The following GSR variants were observed in gnomAD, a reference collection of about 807,000 sequenced individuals.
The protein encoded by GSR is glutathione reductase, mitochondrial.
In GSR, 48 loss-of-function variants were observed where a neutral mutation model predicts 56.5. The observed-to-expected ratio is 0.85, with a 90% CI of 0.67 to 1.08. The LOEUF (loss-of-function observed/expected upper bound fraction) is 1.08. GSR is among the 50% of genes least tolerant of loss of function. The pLI, the probability that GSR is intolerant of heterozygous loss-of-function variation, is 0.00. For missense variants in GSR, 694 were observed against 703.3 expected (o/e 0.99, Z 0.15); for synonymous variants, 264 against 270.8 (o/e 0.97, Z 0.25).
rs762716139 is a variant in GSR, at chr8:30,695,846, C to T, written c.795+534G>A. Among the ~76,000 whole-genome samples the T allele has an allele frequency of 5.7e-4, 87 of 151,880 alleles. 4 individuals are homozygous for T. The highest frequency in any genetic ancestry group is 5.9e-4 in the Admixed American group (9 of 15,242). Reference sequence around the variant, plus strand: ...CCTGAGGTAGGGAGTTCGAGACCAGCCTGGCCAACATGGTGAAACCCCATC... The same window carrying T: ...CCTGAGGTAGGGAGTTCGAGACCAGTCTGGCCAACATGGTGAAACCCCATC... On this transcript the variant is annotated intron_variant, in intron 7 of 12. Transcript: ENST00000221130.
chr8:30,705,363 C>T (rs34353898), intron 4 of GSR, among the ~76,000 whole-genome samples: 22 of 151,986 alleles, frequency 1.4e-4, no homozygotes, highest in South Asian at 6.2e-4. Flanking sequence ...CCAGGGTTCA[C>T]GCCATTCTCC....
At chr8:30,682,189 C>T in intron 10 of GSR, 128 bp from the exon 11 acceptor site, 1 of 798,936 alleles carries the variant, frequency 1.3e-6, no homozygotes, top group South Asian at 1.4e-5. Flanking sequence ...TTGTTCATTA[C>T]ACTATCTAGA....
rs1196817579 is a variant in GSR, at chr8:30,685,109, G to A, written c.1042-910C>T. ...CGAGTAGCTGGGACTACAGGTGCCC[G>A]CCGCCACACCCAGCTAATTTTTTTG... On this transcript the variant is annotated intron_variant, in intron 9 of 12. Transcript: ENST00000221130. Among the ~76,000 whole-genome samples the A allele has an allele frequency of 5.3e-5, 8 of 151,742 alleles. No individual in the cohort carries two copies. The East Asian group carries it at 5.8e-4, about 11-fold the overall frequency.
intron 4 of GSR, 73 bp from the exon 5 acceptor site, chr8:30,703,313 T>C: frequency 1.5e-6 from 2 of 1,317,006 alleles, no homozygotes; most frequent in East Asian, 2.3e-5. Flanking sequence ...TTATCAGAAC[T>C]TTCATTTCTC....
chr8:30,702,264 G>A (rs1019364673), intron 5 of GSR, among the ~76,000 whole-genome samples: 1 of 151,910 alleles, frequency 6.6e-6, no homozygotes, highest in Non-Finnish European at 1.5e-5. Flanking sequence ...AGGTTGCAGT[G>A]AGCTGAGGTT....
At chr8:30,689,431 C>T (rs1803286130) in intron 8 of GSR, 112 bp from the exon 9 acceptor site, 1 of 874,402 alleles carries the variant, frequency 1.1e-6, no homozygotes. Context: ...AAAATCCCTA[C>T]TGAATCCCAC....
At chr8:30,711,161 T>G (rs910707603) in intron 2 of GSR, among the ~76,000 whole-genome samples, 3 of 152,194 alleles carry the variant, frequency 2.0e-5, no homozygotes, top group Non-Finnish European at 4.4e-5. Flanking sequence ...AACTCAGGTA[T>G]GCATCACTGA....
intron 8 of GSR, among the ~76,000 whole-genome samples, chr8:30,692,495 CTT>C (rs71206280): frequency 1.7e-5 from 1 of 59,062 alleles, no homozygotes; most frequent in African/African-American, 7.2e-5. Flanking sequence ...CACACCCAGA[CTT>C]TTTTTTTTTT....
At chr8:30,718,920 GT>G (rs34676475) in intron 1 of GSR, among the ~76,000 whole-genome samples, 118,872 of 148,868 alleles carry the variant, frequency 0.8, 50,274 homozygotes, top group Non-Finnish European at 0.94. Flanking sequence ...AAGGTGTTTT[GT>G]TTTTTTTTTT....
chr8:30,722,292 G>A (rs533153872), intron 1 of GSR, among the ~76,000 whole-genome samples: 1 of 152,178 alleles, frequency 6.6e-6, no homozygotes, highest in African/African-American at 2.4e-5. Context: ...ATGAATATGG[G>A]TGGGCCCCAT....
At chr8:30,681,752 C>T (rs578153594) in intron 11 of GSR, among the ~76,000 whole-genome samples, 178 bp downstream of exon 11, 1 of 151,514 alleles carries the variant, frequency 6.6e-6, no homozygotes, top group African/African-American at 2.4e-5. Context: ...AGGAAAGATA[C>T]TGTACACTCA....
intron 5 of GSR, among the ~76,000 whole-genome samples, chr8:30,701,307 A>T (rs1803731441): frequency 6.6e-6 from 1 of 152,050 alleles, no homozygotes; most frequent in South Asian, 2.1e-4. Flanking sequence ...CTCTACTAAA[A>T]ATACAAAAAT....
At chr8:30,713,840 G>A (rs1804240262) in intron 1 of GSR, among the ~76,000 whole-genome samples, 1 of 152,086 alleles carries the variant, frequency 6.6e-6, no homozygotes, top group Non-Finnish European at 1.5e-5. Context: ...TTATGCTCCC[G>A]TGTCCAAAGA....
chr8:30,709,906 T>TAAAAAAAAA lies in GSR; in HGVS notation c.334-13_334-5dup. ...GGACAGCTGTGTTCCACATTACCTG[T>TAAAAAAAAA]AAAAAAAAAAAAAAAAAAGGATCCA... On this transcript the variant is annotated splice_region_variant and splice_polypyrimidine_tract_variant and intron_variant, in intron 2 of 12. Transcript: ENST00000221130. 2.0e-6 allele frequency: 2 copies of TAAAAAAAAA among 999,714 alleles called. No homozygotes were observed. The highest frequency in any genetic ancestry group is 1.4e-6 in the Non-Finnish European group (1 of 708,876). The allele number at this position is 999,714 out of a possible 1,614,324, so 61.9% of individuals were successfully genotyped here.
intron 4 of GSR, among the ~76,000 whole-genome samples, chr8:30,705,131 TAA>T (rs201274639): frequency 6.2e-5 from 9 of 144,270 alleles, no homozygotes; most frequent in Admixed American, 1.4e-4. Flanking sequence ...TCAGCTCCAT[TAA>T]AAAAAAAAAA....
intron 7 of GSR, 118 bp downstream of exon 7, chr8:30,696,262 C>G: frequency 1.3e-6 from 1 of 794,762 alleles, no homozygotes; most frequent in Non-Finnish European, 2.3e-6. Flanking sequence ...CCATATGAAA[C>G]CAACCAAATG....
chr8:30,712,184 T>G (rs1804168985), intron 1 of GSR, 96 bp from the exon 2 acceptor site: 1 of 684,624 alleles, frequency 1.5e-6, no homozygotes, highest in South Asian at 1.8e-5. Context: ...AAGCGAGGAG[T>G]CTTCCTTGGG....
chr8:30,712,065 T>C lies in GSR; in HGVS notation c.330A>G (p.Lys110=), dbSNP rs1305058837. The part of the protein sequence containing the change: ...GTCVNVGCVP[K]KVMWNTAVHS... ...GAAAGAGAAATAAAAATTCTACCTT[T>C]TTGGGTACACATCCAACATTCACCT... The change falls in exon 2 of 13, where the codon AAA becomes AAG. Residue 110 remains lysine (K), a synonymous_variant. Coordinates refer to ENST00000221130, the MANE Select transcript of GSR (RefSeq NM_000637.5). 1 of 1,425,642 alleles carries C rather than the reference T, an allele frequency of 7.0e-7. No individual in the cohort carries two copies. Among genetic ancestry groups the C allele is most frequent in the Non-Finnish European group, 9.9e-7 (1 of 1,013,486 alleles). The allele number at this position is 1,425,642 out of a possible 1,614,324, so 88.3% of individuals were successfully genotyped here.
rs367724764 is a variant in GSR at position 30,684,179 on chromosome 8, C to T, written c.1062G>A (p.Lys354=). The change falls in exon 10 of 13, where the codon AAG becomes AAA. Residue 354 remains lysine (K), a synonymous_variant. Transcript: ENST00000221130. ...GGAATTCGTCTACGATGATATGACC[C>T]TTGTCATCGGTTTGAATCCCCTAAA... ...LNKLGIQTDD[K]GHIIVDEFQN... is the part of the protein sequence containing the mutation. 19 of 1,601,838 alleles carry T rather than the reference C, an allele frequency of 1.2e-5. No individual in the cohort carries two copies. The African/African-American group carries it at 2.0e-4, about 17-fold the overall frequency.
Sources: allele counts gnomAD v4.1 joint callset (sites outside exome capture counted in the v4.1 genomes callset), GRCh38; gene constraint gnomAD v4.1.1; transcripts MANE v1.5; gene names NCBI Gene and HGNC (gene_info 2026-07-23, HGNC 2026-07-21).